Variants in MAGI2 observed in about 807,000 individuals in gnomAD.
The protein encoded by MAGI2 is membrane-associated guanylate kinase, WW and PDZ domain-containing protein 2.
A neutral mutation model predicts 133.3 loss-of-function variants in MAGI2; 35 were observed. That is an observed-to-expected ratio of 0.26 (90% CI 0.20 to 0.35). The LOEUF (loss-of-function observed/expected upper bound fraction) is 0.35, where lower values mean the gene tolerates loss of function less well. Ranked by LOEUF, MAGI2 falls within the 10% of genes least tolerant of loss-of-function variation. The probability of loss-of-function intolerance (pLI) is 1.00; values close to 1 mark genes in which losing one functional copy is unlikely to be tolerated. For missense variants in MAGI2, 1,636 were observed against 1,863.4 expected (o/e 0.88, Z 2.25); for synonymous variants, 729 against 710.6 (o/e 1.03, Z -0.41).
At chr7:78,760,925 C>T (rs1363011779) in intron 2 of MAGI2, among the ~76,000 whole-genome samples, 1 of 152,170 alleles carries the variant, frequency 6.6e-6, no homozygotes, top group Non-Finnish European at 1.5e-5. Context: ...GGAGGAACTC[C>T]AGTAGCCACA....
At chr7:78,823,331 C>A (rs1235817840) in intron 2 of MAGI2, among the ~76,000 whole-genome samples, 1 of 151,920 alleles carries the variant, frequency 6.6e-6, no homozygotes, top group Non-Finnish European at 1.5e-5. Context: ...CGCCTGTAAT[C>A]CCAGCACTTT....
chr7:79,246,784 T>C (rs1036141677), intron 1 of MAGI2, among the ~76,000 whole-genome samples: 5 of 152,134 alleles, frequency 3.3e-5, no homozygotes, highest in Non-Finnish European at 1.5e-5. Context: ...AAGATACCAA[T>C]ATTTAAGTAC....
chr7:78,691,947 C>G (rs932126033), intron 2 of MAGI2, among the ~76,000 whole-genome samples: 3 of 152,056 alleles, frequency 2.0e-5, no homozygotes, highest in Non-Finnish European at 4.4e-5. Flanking sequence ...CGATTGTAAC[C>G]AATTACCACT....
Position 78,381,607 on chromosome 7 carries a change from A to G in MAGI2, c.1046-12394T>C, listed in dbSNP as rs79151408. 5.3e-5 allele frequency among the ~76,000 whole-genome samples: 8 copies of G among 152,278 alleles called. No homozygotes were observed. In the East Asian group the frequency reaches 1.2e-3, roughly 22 times the overall value. ...TAAAGAACTTTTTTAAATGGAAGGG[A>G]AAAAAACCTAACCACCTAATAGAGG... On this transcript the variant is annotated intron_variant, in intron 6 of 21. Coordinates refer to ENST00000354212, the MANE Select transcript of MAGI2 (RefSeq NM_012301.4).
intron 2 of MAGI2, among the ~76,000 whole-genome samples, chr7:78,777,444 A>G (rs2151332097): frequency 6.6e-6 from 1 of 152,224 alleles, no homozygotes; most frequent in Non-Finnish European, 1.5e-5. Context: ...CATCATCACC[A>G]CTACCACCAC....
intron 2 of MAGI2, among the ~76,000 whole-genome samples, chr7:78,681,527 A>C (rs1815656129): frequency 6.6e-6 from 1 of 152,166 alleles, no homozygotes; most frequent in Admixed American, 6.6e-5. Flanking sequence ...CCCTGTTTGA[A>C]GTCCCCCAGA....
intron 6 of MAGI2, among the ~76,000 whole-genome samples, chr7:78,435,903 G>A (rs116039564): frequency 2.2e-3 from 341 of 152,298 alleles, no homozygotes; most frequent in African/African-American, 7.6e-3. Flanking sequence ...AGGTACTACA[G>A]ACAGATGAAA....
intron 1 of MAGI2, among the ~76,000 whole-genome samples, chr7:79,214,389 CTCTCTCTCTCTCTCTCTCTA>C (rs1233774122): frequency 4.0e-4 from 37 of 92,732 alleles, no homozygotes; most frequent in African/African-American, 7.5e-4. Context: ...CTCTCTCTCT[CTCTCTCTCTCTCTCTCTCTA>C]TATATATATA....
intron 1 of MAGI2, among the ~76,000 whole-genome samples, chr7:79,075,370 T>G (rs753608717): frequency 1.3e-5 from 2 of 152,138 alleles, no homozygotes; most frequent in Non-Finnish European, 2.9e-5. Context: ...TGGAGTCAGC[T>G]TGTGGGTAGG....
intron 6 of MAGI2, among the ~76,000 whole-genome samples, chr7:78,428,181 A>C (rs1584060311): frequency 6.6e-6 from 1 of 152,224 alleles, no homozygotes; most frequent in Non-Finnish European, 1.5e-5. Flanking sequence ...GTTTATGGAA[A>C]GCCAGTGAAG....
At chr7:79,022,059 A>T (rs1341780728) in intron 1 of MAGI2, among the ~76,000 whole-genome samples, 1 of 152,178 alleles carries the variant, frequency 6.6e-6, no homozygotes, top group African/African-American at 2.4e-5. Context: ...GCCCTCCACC[A>T]TGATTATAAG....
chr7:79,142,241 T>G (rs1822207483), intron 1 of MAGI2, among the ~76,000 whole-genome samples: 1 of 152,200 alleles, frequency 6.6e-6, no homozygotes, highest in Non-Finnish European at 1.5e-5. Flanking sequence ...ATCTATTCTG[T>G]TATTTGGATA....
intron 1 of MAGI2, among the ~76,000 whole-genome samples, chr7:79,135,455 C>T (rs1821302748): frequency 6.6e-6 from 1 of 152,078 alleles, no homozygotes; most frequent in South Asian, 2.1e-4. Context: ...TCTTGTATAA[C>T]ACTCCAGTGA....
At chr7:79,365,367 C>G (rs1469384467) in intron 1 of MAGI2, among the ~76,000 whole-genome samples, 1 of 151,668 alleles carries the variant, frequency 6.6e-6, no homozygotes, top group Admixed American at 6.6e-5. Flanking sequence ...CACTTGCACT[C>G]TTGGACATTT....
intron 21 of MAGI2, among the ~76,000 whole-genome samples, chr7:78,031,398 A>G (rs1207975260): frequency 3.9e-5 from 6 of 152,246 alleles, no homozygotes; most frequent in African/African-American, 1.4e-4. Context: ...AATAGTGCTG[A>G]TAAAGTATTT....
chr7:79,453,332 G>T lies in MAGI2; in HGVS notation c.-12C>A. The T allele has an allele frequency of 7.5e-6, 12 of 1,595,744 alleles. No individual in the cohort carries two copies. The highest frequency in any genetic ancestry group is 1.0e-5 in the Non-Finnish European group (12 of 1,169,916). ...AAGCTTTTGGACATGGCAGTGGGGC[G>T]AGTCGCCTCAGTTCCTGGGCTCCTT... On this transcript the variant is annotated 5_prime_UTR_variant, in exon 1 of 22. Transcript: ENST00000354212.
At chr7:78,355,503 C>A (rs1394871285) in intron 7 of MAGI2, among the ~76,000 whole-genome samples, 1 of 152,080 alleles carries the variant, frequency 6.6e-6, no homozygotes, top group Non-Finnish European at 1.5e-5. Flanking sequence ...ATATGCTGAC[C>A]CTCAGTGAAA....
intron 1 of MAGI2, among the ~76,000 whole-genome samples, chr7:79,286,804 C>T (rs529022512): frequency 4.6e-5 from 7 of 152,176 alleles, no homozygotes; most frequent in Admixed American, 1.3e-4. Context: ...ATTAGCTTCT[C>T]AGCCCAATCC....
chr7:79,328,892 ATTGATTGTATCGCTGGTTCTCAAACTC>A (rs1427321362), intron 1 of MAGI2, among the ~76,000 whole-genome samples: 1 of 152,172 alleles, frequency 6.6e-6, no homozygotes, highest in Admixed American at 6.6e-5. Context: ...CAGAAGTTTA[ATTGATTGTATCGCTGGTTCTCAAACTC>A]ATGATGGTTT....
Sources: gnomAD v4.1 joint callset for allele counts (sites outside exome capture counted in the v4.1 genomes callset) on GRCh38, gnomAD v4.1.1 for gene constraint, MANE v1.5 for transcripts, NCBI Gene and HGNC (gene_info 2026-07-23, HGNC 2026-07-21) for gene names.